Variants in SLC24A2 observed in about 807,000 individuals in gnomAD.
SLC24A2 encodes sodium/potassium/calcium exchanger 2.
SLC24A2 carries 36 observed loss-of-function variants against 62.0 expected under a neutral mutation model. The ratio of observed to expected loss-of-function variants is 0.58; its 90% CI spans 0.44 to 0.77. The LOEUF (loss-of-function observed/expected upper bound fraction) is 0.77, where lower values mean the gene tolerates loss of function less well. Ranked by LOEUF, SLC24A2 falls within the 30% of genes least tolerant of loss-of-function variation. The pLI is 0.00. For synonymous variants in SLC24A2, 358 were observed against 294.0 expected, an observed-to-expected ratio of 1.22 and a Z score of -2.23; for missense variants, 846 against 817.9, an observed-to-expected ratio of 1.03 and a Z score of -0.42.
the SLC24A2 span, among the ~76,000 whole-genome samples, chr9:19,891,145 T>C: frequency 6.6e-6 from 1 of 152,194 alleles, no homozygotes; most frequent in Admixed American, 6.5e-5. Context: ...TTGGCCCATC[T>C]CCATTACTGT....
intron 7 of SLC24A2, among the ~76,000 whole-genome samples, chr9:19,559,561 G>C (rs1007751978): frequency 6.6e-6 from 1 of 152,148 alleles, no homozygotes. Context: ...GAAAACAATG[G>C]TAGAGTTGGA....
At chr9:19,982,041 A>G in the SLC24A2 span, among the ~76,000 whole-genome samples, 1 of 152,128 alleles carries the variant, frequency 6.6e-6, no homozygotes, top group Non-Finnish European at 1.5e-5. Flanking sequence ...CCTGAGCTAA[A>G]TATCTGAGAA....
At chr9:19,719,321 G>C (rs1352718121) in intron 2 of SLC24A2, among the ~76,000 whole-genome samples, 3 of 152,174 alleles carry the variant, frequency 2.0e-5, no homozygotes, top group African/African-American at 7.2e-5. Flanking sequence ...TTAAAACCTT[G>C]AAGATAATTT....
chr9:20,275,338 A>C, the SLC24A2 span, among the ~76,000 whole-genome samples: 2 of 149,830 alleles, frequency 1.3e-5, no homozygotes, highest in Non-Finnish European at 3.0e-5. Context: ...AAAATCACAC[A>C]CTCCTTCTGC....
At chr9:19,861,790 G>C in the SLC24A2 span, among the ~76,000 whole-genome samples, 1 of 151,980 alleles carries the variant, frequency 6.6e-6, no homozygotes, top group African/African-American at 2.4e-5. Context: ...AATGCAGTTG[G>C]CATACTGAAG....
the SLC24A2 span, among the ~76,000 whole-genome samples, chr9:19,915,605 C>T: frequency 1.3e-5 from 2 of 151,988 alleles, no homozygotes; most frequent in Non-Finnish European, 2.9e-5. Context: ...ATTTTCTTGG[C>T]TTATTATTAT....
chr9:19,529,543 G>A (rs546681283), intron 8 of SLC24A2, among the ~76,000 whole-genome samples: 2 of 152,242 alleles, frequency 1.3e-5, no homozygotes, highest in East Asian at 1.9e-4. Context: ...GTAAGACCAA[G>A]CAGGTTTGAT....
chr9:19,961,558 C>A, the SLC24A2 span, among the ~76,000 whole-genome samples: 2 of 152,220 alleles, frequency 1.3e-5, no homozygotes, highest in African/African-American at 4.8e-5. Context: ...CTCCCTAAAG[C>A]CTTCCTTCTT....
At chr9:20,064,034 G>A in the SLC24A2 span, among the ~76,000 whole-genome samples, 8 of 152,260 alleles carry the variant, frequency 5.3e-5, no homozygotes, top group East Asian at 7.7e-4. Flanking sequence ...AGTATTCATA[G>A]CAGCATTACC....
the SLC24A2 span, among the ~76,000 whole-genome samples, chr9:19,948,447 T>C: frequency 6.6e-6 from 1 of 152,196 alleles, no homozygotes; most frequent in Non-Finnish European, 1.5e-5. Flanking sequence ...ACATTTCCAG[T>C]TAGAGAAAAA....
the SLC24A2 span, among the ~76,000 whole-genome samples, chr9:20,207,000 C>T: frequency 1.3e-5 from 2 of 152,074 alleles, no homozygotes; most frequent in Non-Finnish European, 2.9e-5. Flanking sequence ...ATATTTACCC[C>T]CCTCACATGA....
the SLC24A2 span, among the ~76,000 whole-genome samples, chr9:20,138,560 T>C: frequency 2.0e-5 from 3 of 152,306 alleles, no homozygotes; most frequent in South Asian, 4.1e-4. Flanking sequence ...AGACTATTTG[T>C]TCTGAGGTCA....
the SLC24A2 span, among the ~76,000 whole-genome samples, chr9:19,867,651 T>G: frequency 6.6e-6 from 1 of 152,230 alleles, no homozygotes. Context: ...GGCTCACGCC[T>G]GTAATCCCAG....
In SLC24A2 at chr9:19,646,694, C is replaced by T. The variant is rs564937197; in HGVS notation, c.931-24395G>A. 2.6e-5 allele frequency among the ~76,000 whole-genome samples: 4 copies of T among 152,234 alleles called. No homozygotes were observed. The East Asian group carries it at 7.7e-4, about 29-fold the overall frequency. ...TAAACAGAGTCTCTCTATTCTCTCT[C>T]TCTCCCTCTTCCCACAATATTACTT... On this transcript the variant is annotated intron_variant, in intron 2 of 10. Transcript: ENST00000341998.
At chr9:20,187,107 C>A in the SLC24A2 span, among the ~76,000 whole-genome samples, 1 of 152,140 alleles carries the variant, frequency 6.6e-6, no homozygotes, top group Non-Finnish European at 1.5e-5. Context: ...GTCCTATTCT[C>A]CCCCATCCCC....
intron 4 of SLC24A2, among the ~76,000 whole-genome samples, chr9:19,615,531 G>A (rs1224999658): frequency 6.6e-6 from 1 of 152,142 alleles, no homozygotes; most frequent in South Asian, 2.1e-4. Flanking sequence ...GAATTTTGGG[G>A]GAAAAATACC....
At chr9:19,903,168 C>G in the SLC24A2 span, among the ~76,000 whole-genome samples, 3 of 151,968 alleles carry the variant, frequency 2.0e-5, no homozygotes, top group Non-Finnish European at 4.4e-5. Flanking sequence ...ATACCACAGA[C>G]TGGGTGGTTT....
At chr9:20,135,010 G>T in the SLC24A2 span, among the ~76,000 whole-genome samples, 1 of 152,100 alleles carries the variant, frequency 6.6e-6, no homozygotes, top group Non-Finnish European at 1.5e-5. Flanking sequence ...GTATAGTGCT[G>T]GTGGCAGGGT....
chr9:19,677,549 T>A (rs1473533861), intron 2 of SLC24A2, among the ~76,000 whole-genome samples: 1 of 152,196 alleles, frequency 6.6e-6, no homozygotes, highest in Non-Finnish European at 1.5e-5. Context: ...GTTTCCTGTA[T>A]AACAAACGTG....
Sources: gnomAD v4.1 joint callset for allele counts (sites outside exome capture counted in the v4.1 genomes callset) on GRCh38, gnomAD v4.1.1 for gene constraint, MANE v1.5 for transcripts, NCBI Gene and HGNC (gene_info 2026-07-23, HGNC 2026-07-21) for gene names.